ANO6: variants seen among roughly 807,000 people sequenced by gnomAD.
ANO6 encodes the protein anoctamin-6.
A neutral mutation model predicts 117.5 loss-of-function variants in ANO6; 106 were observed. That is an observed-to-expected ratio of 0.90 (90% CI 0.77 to 1.06). The LOEUF (loss-of-function observed/expected upper bound fraction) is 1.06. Ranked by LOEUF, ANO6 falls within the 50% of genes least tolerant of loss-of-function variation. The pLI is 0.00. For synonymous variants in ANO6, 367 were observed against 385.1 expected (o/e 0.95, Z 0.55); for missense variants, 955 against 1,121.1 (o/e 0.85, Z 2.12).
At chr12:45,333,723 T>G (rs1940742240) in intron 3 of ANO6, among the ~76,000 whole-genome samples, 1 of 152,180 alleles carries the variant, frequency 6.6e-6, no homozygotes, top group East Asian at 1.9e-4. Context: ...TTATATATAC[T>G]TCACCGAAAT....
chr12:45,248,707 C>T (rs1252496738), intron 1 of ANO6, among the ~76,000 whole-genome samples: 1 of 152,010 alleles, frequency 6.6e-6, no homozygotes, highest in Non-Finnish European at 1.5e-5. Flanking sequence ...TGTGAGCCTC[C>T]ACGCCTGGCA....
At position 45,429,475 on chromosome 12, in the gene ANO6, C is replaced by G. The variant is rs1943584441; in HGVS notation, c.*164C>G. On this transcript the variant is annotated 3_prime_UTR_variant, in exon 20 of 20. Transcript: ENST00000320560. ...TCAGTTTCAGCTAGCGATGCAGAAA[C>G]TGGAAAATGTAAAACTTAGATCATG... 6.9e-7 allele frequency: 1 copy of G among 1,451,044 alleles called. No homozygotes were observed. Among genetic ancestry groups the G allele is most frequent in the Non-Finnish European group, 9.0e-7 (1 of 1,108,108 alleles). The allele number at this position is 1,451,044 out of a possible 1,614,324, so 89.9% of individuals were successfully genotyped here.
At chr12:45,301,853 C>T (rs1449476097) in intron 1 of ANO6, among the ~76,000 whole-genome samples, 161 bp from the exon 2 acceptor site, 1 of 152,124 alleles carries the variant, frequency 6.6e-6, no homozygotes, top group Non-Finnish European at 1.5e-5. Flanking sequence ...ACAGCTGCTA[C>T]ATATTTTTTA....
At chr12:45,216,538 C>G in intron 1 of ANO6, 147 bp downstream of exon 1, 1 of 919,962 alleles carries the variant, frequency 1.1e-6, no homozygotes. Context: ...GCCCGCTGTC[C>G]CCGGCTGCTT....
Position 45,384,400 on chromosome 12 carries a change from G to A in ANO6, c.1166-3761G>A, listed in dbSNP as rs555342572. Among the ~76,000 whole-genome samples, 4 of 152,292 alleles carry A rather than the reference G, an allele frequency of 2.6e-5. No individual in the cohort carries two copies. The South Asian group carries it at 8.3e-4, about 32-fold the overall frequency. On this transcript the variant is annotated intron_variant, in intron 10 of 19. Transcript: ENST00000320560. ...ACTTTTCCTTTGCACTCACAGCTTG[G>A]CAAACTGGCACAAGAGGCCTAGCTT...
At chr12:45,220,933 A>G (rs540934165) in intron 1 of ANO6, among the ~76,000 whole-genome samples, 11 of 152,330 alleles carry the variant, frequency 7.2e-5, no homozygotes, top group Middle Eastern at 6.8e-3. Flanking sequence ...TAAGAACCCA[A>G]AAATTCTGTG....
intron 1 of ANO6, among the ~76,000 whole-genome samples, chr12:45,274,357 A>G (rs545577809): frequency 6.6e-6 from 1 of 152,236 alleles, no homozygotes; most frequent in South Asian, 2.1e-4. Context: ...TCGTGAGTCT[A>G]TACTTCCTCC....
At position 45,216,346 on chromosome 12, in the gene ANO6, T is replaced by C. The variant is rs1484288376; in HGVS notation, c.25T>C (p.Leu9=). ...CATGAAAAAGATGAGCAGGAATGTT[T>C]TGCTACAAATGGAGGAGGAGGAGGA... MKKMSRNV[L]LQMEEEEDDD... is the part of the protein sequence containing the mutation. Residue 9 remains leucine, a synonymous_variant, in exon 1 of 20, where the codon TTG becomes CTG. Coordinates refer to ENST00000320560, the MANE Select transcript of ANO6 (RefSeq NM_001025356.3). 1 of 1,612,912 alleles carries C rather than the reference T, an allele frequency of 6.2e-7. No homozygotes were observed.
intron 2 of ANO6, among the ~76,000 whole-genome samples, chr12:45,314,497 A>G (rs1939955089): frequency 6.6e-6 from 1 of 150,556 alleles, no homozygotes; most frequent in Non-Finnish European, 1.5e-5. Context: ...ACACACATAT[A>G]TACATATATA....
chr12:45,327,993 A>G (rs746334466), intron 2 of ANO6, among the ~76,000 whole-genome samples: 2 of 152,150 alleles, frequency 1.3e-5, no homozygotes, highest in Non-Finnish European at 2.9e-5. Context: ...TTGTACAAAA[A>G]TCATTCTGGG....
intron 3 of ANO6, among the ~76,000 whole-genome samples, chr12:45,341,449 A>G (rs540021904): frequency 6.6e-6 from 1 of 152,328 alleles, no homozygotes; most frequent in African/African-American, 2.4e-5. Flanking sequence ...AGCTCTTAAA[A>G]TGAGATTGAA....
Position 45,403,201 on chromosome 12 carries a change from G to A in ANO6, c.1742G>A (p.Gly581Glu). The A allele has an allele frequency of 6.2e-7, 1 of 1,613,908 alleles. No individual in the cohort carries two copies. Among genetic ancestry groups the A allele is most frequent in the Non-Finnish European group, 8.5e-7 (1 of 1,179,898 alleles). Reference protein sequence around the residue: ...FFKGKFVGYPGDPVYWLGKYR... With the variant: ...FFKGKFVGYPEDPVYWLGKYR... Reference sequence around the variant, plus strand: ...AAGGGCAAATTTGTAGGCTATCCAGGAGACCCAGTTTATTGGTTGGGAAAA... The same window carrying A: ...AAGGGCAAATTTGTAGGCTATCCAGAAGACCCAGTTTATTGGTTGGGAAAA... Residue 581 changes from glycine (G) to glutamate (E), a missense_variant, in exon 14 of 20, where the codon GGA (glycine) becomes GAA (glutamate). Physicochemically the swap from Gly to Glu is moderately conservative, Grantham distance 98. Transcript: ENST00000320560.
chr12:45,295,607 G>T (rs1939264374), intron 1 of ANO6, among the ~76,000 whole-genome samples: 2 of 152,042 alleles, frequency 1.3e-5, no homozygotes, highest in African/African-American at 2.4e-5. Flanking sequence ...AGGCTGGAGT[G>T]CAGGGGTACA....
At chr12:45,378,503 C>T (rs190981778) in intron 10 of ANO6, among the ~76,000 whole-genome samples, 1 of 152,128 alleles carries the variant, frequency 6.6e-6, no homozygotes, top group African/African-American at 2.4e-5. Flanking sequence ...CACATGGTGT[C>T]TCATCTTCAA....
rs145410858 is a variant in ANO6, at chr12:45,355,789, A to T, written c.864-1501A>T. Among the ~76,000 whole-genome samples, 6 of 152,142 alleles carry T rather than the reference A, an allele frequency of 3.9e-5. No homozygotes were observed. The East Asian group carries it at 1.2e-3, about 29-fold the overall frequency. ...CTGTGACCCATGGAACTGGTCTCAG[A>T]CCTTCCCTGTGAGTGCTTGTCCAGC... On this transcript the variant is annotated intron_variant, in intron 7 of 19. Coordinates refer to ENST00000320560, the MANE Select transcript of ANO6 (RefSeq NM_001025356.3).
intron 15 of ANO6, among the ~76,000 whole-genome samples, 196 bp downstream of exon 15, chr12:45,403,732 T>G (rs953296523): frequency 1.3e-5 from 2 of 152,190 alleles, no homozygotes; most frequent in East Asian, 3.8e-4. Flanking sequence ...GATCTAATAA[T>G]TGTATTTTAA....
chr12:45,388,793 A>C (rs1435407133), intron 11 of ANO6, among the ~76,000 whole-genome samples: 3 of 152,218 alleles, frequency 2.0e-5, no homozygotes, highest in African/African-American at 7.2e-5. Context: ...TTTATCCTAA[A>C]GTTGGAGAAA....
chr12:45,321,993 C>G (rs7309615), intron 2 of ANO6, among the ~76,000 whole-genome samples: 119,217 of 152,116 alleles, frequency 0.78, 49,631 homozygotes, highest in Non-Finnish European at 0.93. Flanking sequence ...TGAAGAATGC[C>G]TGGTAGTCCA....
intron 1 of ANO6, 61 bp downstream of exon 1, chr12:45,216,452 G>A: frequency 1.3e-6 from 2 of 1,564,432 alleles, no homozygotes; most frequent in Non-Finnish European, 8.7e-7. Context: ...AAGAAGTTCG[G>A]GGACTGCGCG....
Sources: allele counts gnomAD v4.1 joint callset (sites outside exome capture counted in the v4.1 genomes callset), GRCh38; gene constraint gnomAD v4.1.1; transcripts MANE v1.5; gene names NCBI Gene and HGNC (gene_info 2026-07-23, HGNC 2026-07-21).